Variants in HYDIN observed in about 807,000 individuals in gnomAD.
HYDIN encodes axonemal central pair apparatus protein HYDIN.
In HYDIN, 132 loss-of-function variants were observed where a neutral mutation model predicts 403.9. That is an observed-to-expected ratio of 0.33 (90% CI 0.28 to 0.38). The LOEUF is 0.38. HYDIN is among the 10% of genes least tolerant of loss of function. The pLI is 1.00. For synonymous variants in HYDIN, 1,202 were observed against 1,891.7 expected (o/e 0.64, Z 9.46); for missense variants, 2,827 against 5,009.5 (o/e 0.56, Z 13.15).
chr16:71,050,487 TA>T (rs2081599494), intron 18 of HYDIN, among the ~76,000 whole-genome samples: 2 of 152,044 alleles, frequency 1.3e-5, no homozygotes, highest in South Asian at 4.2e-4. Flanking sequence ...ACTATTTTGG[TA>T]ACTAGTGAGT....
chr16:71,225,953 T>G (rs552641009), intron 1 of HYDIN, among the ~76,000 whole-genome samples: 1 of 152,334 alleles, frequency 6.6e-6, no homozygotes, highest in East Asian at 1.9e-4. Context: ...GTTCATAAAT[T>G]GGAAGATTCA....
intron 58 of HYDIN, among the ~76,000 whole-genome samples, chr16:70,887,840 T>C (rs1054679442): frequency 9.2e-5 from 14 of 151,664 alleles, no homozygotes; most frequent in Non-Finnish European, 1.9e-4. Flanking sequence ...CCTGCCACCA[T>C]GCCTGGCTAT....
At chr16:71,116,040 C>T (rs1428611759) in intron 9 of HYDIN, among the ~76,000 whole-genome samples, 2 of 152,038 alleles carry the variant, frequency 1.3e-5, no homozygotes, top group African/African-American at 4.8e-5. Flanking sequence ...TCTGTCTACT[C>T]TCTTAGCAAG....
rs777305920 is a variant in HYDIN at position 71,031,880 on chromosome 16, T to C, written c.2567A>G (p.Glu856Gly). 3.0e-5 allele frequency: 36 copies of C among 1,211,708 alleles called. No homozygotes were observed. The Middle Eastern group carries it at 5.9e-4, about 20-fold the overall frequency. 75.1% of individuals were successfully genotyped at this position (1,211,708 alleles called of 1,614,324 possible). ...KKSLWTIEPN[E>G]GMVPPETDVQ... ...ATCAGTTTCTGGAGGAACCATGCCT[T>C]CATTGGGTTCAATCGTCCAAAGGGA... is the stretch of plus-strand genomic sequence containing the variant. Residue 856 changes from glutamate (E) to glycine (G), a missense_variant, in exon 19 of 86, where the codon GAA (glutamate) becomes GGA (glycine). Transcript: ENST00000393567.
At chr16:71,211,255 A>T (rs1049193680) in intron 1 of HYDIN, among the ~76,000 whole-genome samples, 4 of 152,222 alleles carry the variant, frequency 2.6e-5, no homozygotes, top group African/African-American at 9.6e-5. Flanking sequence ...CCAGGTCCAC[A>T]TCACTTAAAC....
Position 70,808,193 on chromosome 16 carries a change from A to G in HYDIN, c.14884-131T>C, listed in dbSNP as rs1000308086. 20 of 1,068,940 alleles carry G rather than the reference A, an allele frequency of 1.9e-5. No individual in the cohort carries two copies. The African/African-American group carries it at 3.2e-4, about 17-fold the overall frequency. The allele number at this position is 1,068,940 out of a possible 1,614,324, so 66.2% of individuals were successfully genotyped here. A position where few individuals can be genotyped will look rare whatever the true frequency, so the allele number is the denominator to read the frequency against. On this transcript the variant is annotated intron_variant, in intron 85 of 85. Transcript: ENST00000393567. ...CTGTGTGAGACTGGGAATGTTATAA[A>G]GTTGTGTCCTTATAACTCCCTTGTA...
At chr16:71,078,918 A>T (rs2082699740) in intron 13 of HYDIN, among the ~76,000 whole-genome samples, 1 of 152,204 alleles carries the variant, frequency 6.6e-6, no homozygotes, top group Admixed American at 6.5e-5. Context: ...TTTGGTTGTG[A>T]ATGTGGCCAA....
At chr16:71,178,888 T>C (rs1597961862) in intron 4 of HYDIN, 40 bp downstream of exon 4, 1 of 1,547,990 alleles carries the variant, frequency 6.5e-7, no homozygotes, top group East Asian at 2.3e-5. Context: ...CATTCTCATA[T>C]ATCCTGGAAC....
intron 9 of HYDIN, among the ~76,000 whole-genome samples, chr16:71,116,468 G>A (rs2084038337): frequency 6.6e-6 from 1 of 152,240 alleles, no homozygotes; most frequent in African/African-American, 2.4e-5. Context: ...CTTGGCCATT[G>A]TGAATAATGC....
chr16:71,071,650 T>C (rs1430180642), intron 13 of HYDIN, among the ~76,000 whole-genome samples: 3 of 151,774 alleles, frequency 2.0e-5, no homozygotes, highest in Admixed American at 6.6e-5. Context: ...AAGATGCTTA[T>C]TTTCACCTGA....
At chr16:70,996,538 C>T (rs1386969930) in intron 23 of HYDIN, among the ~76,000 whole-genome samples, 8 of 151,858 alleles carry the variant, frequency 5.3e-5, no homozygotes, top group Non-Finnish European at 1.0e-4. Flanking sequence ...GAGAACCCTC[C>T]GCATCTGATT....
intron 5 of HYDIN, among the ~76,000 whole-genome samples, chr16:71,169,551 T>C (rs909469277): frequency 1.3e-5 from 2 of 152,172 alleles, no homozygotes; most frequent in Admixed American, 6.5e-5. Context: ...TTATGCTAAG[T>C]AAAATAAGCC....
chr16:70,808,184 A>C (rs2035222003), intron 85 of HYDIN, 122 bp from the exon 86 acceptor site: 1 of 1,154,536 alleles, frequency 8.7e-7, no homozygotes, highest in African/African-American at 1.5e-5. Flanking sequence ...GAGACTGGGA[A>C]TGTTATAAAG....
chr16:70,994,361 T>C (rs1307658891), intron 23 of HYDIN, among the ~76,000 whole-genome samples: 1 of 151,750 alleles, frequency 6.6e-6, no homozygotes, highest in Non-Finnish European at 1.5e-5. Context: ...TAGAGGGTAA[T>C]CTGACTATTC....
chr16:71,213,018 C>T (rs2144736804), intron 1 of HYDIN, among the ~76,000 whole-genome samples: 1 of 152,196 alleles, frequency 6.6e-6, no homozygotes, highest in Middle Eastern at 3.4e-3. Context: ...AGCCAGAAGA[C>T]AGTAGGATGA....
chr16:70,967,347 G>A (rs2078608274), intron 36 of HYDIN, among the ~76,000 whole-genome samples: 1 of 151,988 alleles, frequency 6.6e-6, no homozygotes, highest in Non-Finnish European at 1.5e-5. Context: ...GTCTCACTCT[G>A]TCACCCAGGC....
At chr16:71,105,384 G>A (rs2083583611) in intron 10 of HYDIN, among the ~76,000 whole-genome samples, 1 of 150,192 alleles carries the variant, frequency 6.7e-6, no homozygotes, top group Non-Finnish European at 1.5e-5. Context: ...GAGATGCTGA[G>A]TAACCAATAT....
At chr16:70,883,118 G>GT (rs2040913409) in intron 59 of HYDIN, among the ~76,000 whole-genome samples, 1 of 152,294 alleles carries the variant, frequency 6.6e-6, no homozygotes, top group Admixed American at 6.5e-5. Context: ...TCTCCCAATG[G>GT]TAAGATCCAA....
rs549555508 is a variant in HYDIN at position 70,949,888 on chromosome 16, G to C, written c.6531+2533C>G. 8.5e-5 allele frequency among the ~76,000 whole-genome samples: 13 copies of C among 152,388 alleles called. No individual in the cohort carries two copies. In the South Asian group the frequency reaches 2.7e-3, roughly 32 times the overall value. ...CTAAAAAGCTTTATTTCCCTGTCCA[G>C]ATGGACAGAACAAAACCCAAGGAAA... On this transcript the variant is annotated intron_variant, in intron 41 of 85. Coordinates refer to ENST00000393567, the MANE Select transcript of HYDIN (RefSeq NM_001270974.2).
Sources: gnomAD v4.1 joint callset for allele counts (sites outside exome capture counted in the v4.1 genomes callset) on GRCh38, gnomAD v4.1.1 for gene constraint, MANE v1.5 for transcripts, NCBI Gene and HGNC (gene_info 2026-07-23, HGNC 2026-07-21) for gene names.